NCAPD3: variants seen among roughly 807,000 people sequenced by gnomAD.
NCAPD3 encodes condensin-2 complex subunit D3.
Under a neutral mutation model 182.9 loss-of-function variants are expected in NCAPD3, and 105 were observed. That is an observed-to-expected ratio of 0.57 (90% CI 0.49 to 0.68). The LOEUF (loss-of-function observed/expected upper bound fraction) is 0.68, where lower values mean the gene tolerates loss of function less well. NCAPD3 is among the 30% of genes least tolerant of loss of function. The pLI is 0.00. For synonymous variants in NCAPD3, 815 were observed against 679.9 expected, an observed-to-expected ratio of 1.20 and a Z score of -3.09; for missense variants, 1,944 against 1,837.0, an observed-to-expected ratio of 1.06 and a Z score of -1.07.
chr11:134,224,148 C>G, upstream of NCAPD3: 1 of 604,362 alleles, frequency 1.7e-6, no homozygotes, highest in Non-Finnish European at 2.9e-6. Context: ...AAGGCTCCTG[C>G]GGGTGTTCCG....
intron 13 of NCAPD3, among the ~76,000 whole-genome samples, chr11:134,197,945 A>G (rs549002726): frequency 1.6e-4 from 25 of 152,316 alleles, no homozygotes; most frequent in Non-Finnish European, 2.8e-4. Flanking sequence ...GTGAAGACCA[A>G]AAGCTTTCCC....
intron 30 of NCAPD3, 46 bp from the exon 31 acceptor site, chr11:134,158,113 T>C (rs760407562): frequency 1.2e-5 from 19 of 1,599,474 alleles, no homozygotes; most frequent in Non-Finnish European, 1.6e-5. Flanking sequence ...TGCAGACCAC[T>C]GCAGAGGTGA....
Position 134,152,990 on chromosome 11 carries a change from C to G in NCAPD3, c.4451G>C (p.Cys1484Ser). ...SPARNKDTPA[C>S]SRRSLRKTPL... ...GGTCTTTCGGAGGGACCTCCTGCTG[C>G]AGGCTGGAGTGTCTTTATTCCTGGC... Residue 1484 changes from cysteine to serine, a missense_variant, in exon 35 of 35, where the codon TGC (cysteine) becomes TCC (serine). By Grantham distance (112) the Cys-to-Ser change is moderately radical (BLOSUM62 -1). This residue lies in a region of NCAPD3 where 1,803 missense variants were observed against 1,674.6 expected (regional missense o/e 1.08). Coordinates refer to ENST00000534548, the MANE Select transcript of NCAPD3 (RefSeq NM_015261.3). The G allele has an allele frequency of 6.3e-7, 1 of 1,580,720 alleles. No homozygotes were observed. The highest frequency in any genetic ancestry group is 8.6e-7 in the Non-Finnish European group (1 of 1,162,014).
chr11:134,179,550 G>A (rs906154747), intron 20 of NCAPD3, among the ~76,000 whole-genome samples: 2 of 152,102 alleles, frequency 1.3e-5, no homozygotes, highest in East Asian at 1.9e-4. Context: ...CTAATGTTTC[G>A]ATTAGCTCTG....
In NCAPD3 at chr11:134,178,725, G is replaced by A. The variant is rs1479155383; in HGVS notation, c.2691C>T (p.Gly897=). The change falls in exon 22 of 35, where the codon GGC becomes GGT. Residue 897 remains glycine (G), a synonymous_variant. Transcript: ENST00000534548. ...ADADHSPSSQ[G]SSEAPASQPP... is the part of the protein sequence containing the mutation. ...GCTGAGACGCTGGGGCCTCACTGCT[G>A]CCTTGAGATGATGGTGCTGCAAAGA... is the stretch of plus-strand genomic sequence containing the variant. 3 of 1,608,030 alleles carry A rather than the reference G, an allele frequency of 1.9e-6. No homozygotes were observed. Among genetic ancestry groups the A allele is most frequent in the Admixed American group, 3.3e-5 (2 of 59,788 alleles).
chr11:134,182,455 C>G (rs1267723731), intron 19 of NCAPD3, among the ~76,000 whole-genome samples: 2 of 152,216 alleles, frequency 1.3e-5, no homozygotes, highest in Non-Finnish European at 2.9e-5. Flanking sequence ...AGCTAGGCAG[C>G]CTACCGTCCC....
chr11:134,213,119 A>G (rs1937897814), intron 3 of NCAPD3, among the ~76,000 whole-genome samples: 1 of 152,152 alleles, frequency 6.6e-6, no homozygotes, highest in African/African-American at 2.4e-5. Context: ...CTTGAGGCCA[A>G]GAGATTGCGA....
chr11:134,166,199 A>C, intron 27 of NCAPD3, among the ~76,000 whole-genome samples: 1 of 3,170 alleles, frequency 3.2e-4, no homozygotes. Context: ...AGCTTGGGGG[A>C]GGGGCACAGT....
In NCAPD3 at chr11:134,206,883, T is replaced by C. The variant is rs148133243; in HGVS notation, c.883-151A>G. The stretch of plus-strand genomic sequence containing the variant: ...GGCTGAACACTAGGGATATATTTCT[T>C]AAACAATGAGCAGGGATACAATAAA... On this transcript the variant is annotated intron_variant, in intron 7 of 34. Coordinates refer to ENST00000534548, the MANE Select transcript of NCAPD3 (RefSeq NM_015261.3). 5.9e-5 allele frequency: 41 copies of C among 695,362 alleles called. No homozygotes were observed. The African/African-American group carries it at 7.2e-4, about 12-fold the overall frequency. The allele number at this position is 695,362 out of a possible 1,614,324, so 43.1% of individuals were successfully genotyped here. A position where few individuals can be genotyped will look rare whatever the true frequency, so the allele number is the denominator to read the frequency against.
At chr11:134,167,234 G>A (rs1373054021) in intron 27 of NCAPD3, among the ~76,000 whole-genome samples, 1 of 136,378 alleles carries the variant, frequency 7.3e-6, no homozygotes, top group Non-Finnish European at 1.6e-5. Flanking sequence ...TGAGCTTGGG[G>A]GAGGCGCACA....
Position 134,153,162 on chromosome 11 carries a change from A to T in NCAPD3, c.4366T>A (p.Cys1456Ser). Residue 1456 changes from cysteine (C) to serine (S), a missense_variant, in exon 34 of 35, where the codon TGT becomes AGT. Physicochemically the swap from Cys to Ser is moderately radical, Grantham distance 112. Transcript: ENST00000534548. The stretch of plus-strand genomic sequence containing the variant: ...TACGGTTTATCAGGCAGTGATAAAC[A>T]TAAGATGTCATTTCCTTGACTCCGG... ...EGRSQGNDIL[C>S]LSLPDKPPPQ... 6.2e-7 allele frequency: 1 copy of T among 1,614,132 alleles called. No individual in the cohort carries two copies. Among genetic ancestry groups the T allele is most frequent in the Non-Finnish European group, 8.5e-7 (1 of 1,179,952 alleles).
rs780647490 is a variant in NCAPD3, at chr11:134,168,212, G to A, written c.3374-17C>T. 5.1e-5 allele frequency: 82 copies of A among 1,608,764 alleles called. No individual in the cohort carries two copies. Among genetic ancestry groups the A allele is most frequent in the Non-Finnish European group, 6.3e-5 (74 of 1,175,496 alleles). On this transcript the variant is annotated splice_polypyrimidine_tract_variant and intron_variant, in intron 26 of 34. Coordinates refer to ENST00000534548, the MANE Select transcript of NCAPD3 (RefSeq NM_015261.3). ...CAAAGCACGCTGAGAGACAGAGAGA[G>A]AGAAAAACGTGAGCTTCTGAGAAAT...
chr11:134,183,149 C>A (rs973708618), intron 19 of NCAPD3: 4 of 456,160 alleles, frequency 8.8e-6, no homozygotes, highest in African/African-American at 2.0e-5. Flanking sequence ...TTTTTCCAAC[C>A]AGTGCTGGTG....
intron 19 of NCAPD3, among the ~76,000 whole-genome samples, chr11:134,183,594 T>A (rs997544600): frequency 6.6e-6 from 1 of 152,138 alleles, no homozygotes; most frequent in African/African-American, 2.4e-5. Context: ...GTTTGTCATA[T>A]AATTTCTTGG....
Position 134,178,753 on chromosome 11 carries a change from GGAGA to G in NCAPD3, c.2675-16_2675-13del. On this transcript the variant is annotated splice_polypyrimidine_tract_variant and intron_variant, in intron 21 of 34. Transcript: ENST00000534548. Reference sequence around the variant, plus strand: ...TTGAGATGATGGTGCTGCAAAGAAGGGAGAGAAAGTTACCGACAGAACCTTGAAA... The same window carrying G: ...TTGAGATGATGGTGCTGCAAAGAAGGGAAAGTTACCGACAGAACCTTGAAA... The G allele has an allele frequency of 6.2e-7, 1 of 1,608,988 alleles. No individual in the cohort carries two copies. Among genetic ancestry groups the G allele is most frequent in the Non-Finnish European group, 8.5e-7 (1 of 1,175,946 alleles).
intron 27 of NCAPD3, among the ~76,000 whole-genome samples, chr11:134,164,703 G>C (rs188753343): frequency 1.3e-5 from 2 of 151,112 alleles, no homozygotes; most frequent in African/African-American, 4.9e-5. Flanking sequence ...ATAAGCTTAG[G>C]GGAGCTGTAC....
chr11:134,175,138 T>C (rs957654529), intron 24 of NCAPD3, among the ~76,000 whole-genome samples: 5 of 152,210 alleles, frequency 3.3e-5, no homozygotes, highest in African/African-American at 1.2e-4. Flanking sequence ...AAATCCCACA[T>C]ACAGTTTACT....
chr11:134,190,563 T>C lies in NCAPD3; in HGVS notation c.2045+2126A>G, dbSNP rs188415184. Among the ~76,000 whole-genome samples the C allele has an allele frequency of 2.0e-4, 31 of 152,310 alleles. No individual in the cohort carries two copies. In the East Asian group the frequency reaches 5.2e-3, roughly 26 times the overall value. Reference sequence around the variant, plus strand: ...GTGCAGTGGTGCAATTACGGCTCACTGCAGCCTCCACCTCCTGGGCTGAAG... The same window carrying C: ...GTGCAGTGGTGCAATTACGGCTCACCGCAGCCTCCACCTCCTGGGCTGAAG... On this transcript the variant is annotated intron_variant, in intron 16 of 34. Coordinates refer to ENST00000534548, the MANE Select transcript of NCAPD3 (RefSeq NM_015261.3).
chr11:134,195,532 T>A (rs1944610038), intron 13 of NCAPD3, among the ~76,000 whole-genome samples: 1 of 152,112 alleles, frequency 6.6e-6, no homozygotes, highest in Non-Finnish European at 1.5e-5. Context: ...CAAGATATGT[T>A]ACTGTTAGTA....
Sources: gnomAD v4.1 joint callset for allele counts (sites outside exome capture counted in the v4.1 genomes callset) on GRCh38, gnomAD v4.1.1 for gene constraint, gnomAD v4.1.1 regional missense constraint, MANE v1.5 for transcripts, NCBI Gene and HGNC (gene_info 2026-07-23, HGNC 2026-07-21) for gene names.